ATP11B: variants seen among roughly 807,000 people sequenced by gnomAD.
ATP11B encodes the protein phospholipid-transporting ATPase IF.
A neutral mutation model predicts 157.8 loss-of-function variants in ATP11B; 81 were observed. That is an observed-to-expected ratio of 0.51 (90% CI 0.43 to 0.62). The LOEUF is 0.62. ATP11B is among the 20% of genes least tolerant of loss of function. The pLI is 0.00. For missense variants in ATP11B, 1,165 were observed against 1,402.2 expected (o/e 0.83, Z 2.70); for synonymous variants, 451 against 469.4 (o/e 0.96, Z 0.51).
chr3:182,916,114 A>T, intron 29 of ATP11B: 1 of 985,380 alleles, frequency 1.0e-6, no homozygotes, highest in Non-Finnish European at 1.2e-6. Context: ...ATTGCCATAG[A>T]TGCATCAATA....
intron 3 of ATP11B, among the ~76,000 whole-genome samples, chr3:182,828,683 G>GTT (rs796636598): frequency 6.9e-6 from 1 of 144,936 alleles, no homozygotes. Flanking sequence ...TGTGGGTGAA[G>GTT]TTTTTTTTTT....
rs922638646 is a variant in ATP11B at position 182,835,923 on chromosome 3, A to G, written c.316-112A>G. 13 of 709,498 alleles carry G rather than the reference A, an allele frequency of 1.8e-5. No homozygotes were observed. In the Admixed American group the frequency reaches 3.6e-4, roughly 20 times the overall value. The allele number at this position is 709,498 out of a possible 1,614,324, so 44.0% of individuals were successfully genotyped here. On this transcript the variant is annotated intron_variant, in intron 4 of 29. Transcript: ENST00000323116. ...AGCATGTGCATCCAAATAGCCTCAT[A>G]TGATTCTGGAATGTAGTGTTCCAGG...
At chr3:182,799,327 G>T (rs1241071226) in intron 1 of ATP11B, among the ~76,000 whole-genome samples, 4 of 151,622 alleles carry the variant, frequency 2.6e-5, no homozygotes, top group African/African-American at 9.7e-5. Context: ...CGCCCAGGCG[G>T]AGTGCAGTTG....
At chr3:182,900,454 A>G (rs1467473227) in intron 28 of ATP11B, among the ~76,000 whole-genome samples, 2 of 152,154 alleles carry the variant, frequency 1.3e-5, no homozygotes, top group African/African-American at 2.4e-5. Flanking sequence ...CTGATCTCCA[A>G]ATGGGGCTAA....
chr3:182,862,221 A>G (rs1001596124), intron 12 of ATP11B, among the ~76,000 whole-genome samples: 13 of 147,988 alleles, frequency 8.8e-5, no homozygotes, highest in Non-Finnish European at 1.7e-4. Flanking sequence ...TGGAGGTTGC[A>G]GTGAGCCCAG....
chr3:182,812,031 C>CT (rs111646420), intron 1 of ATP11B, among the ~76,000 whole-genome samples: 41 of 151,126 alleles, frequency 2.7e-4, no homozygotes, highest in Admixed American at 1.8e-3. Context: ...CTTTTTTCTA[C>CT]TTTTTTTTTG....
intron 24 of ATP11B, among the ~76,000 whole-genome samples, chr3:182,888,121 C>T (rs1722922890): frequency 6.6e-6 from 1 of 152,138 alleles, no homozygotes; most frequent in African/African-American, 2.4e-5. Flanking sequence ...ATTCCCACCC[C>T]AGATTCTCTG....
chr3:182,838,940 TAAATG>T (rs750711219), intron 7 of ATP11B, among the ~76,000 whole-genome samples: 5 of 152,124 alleles, frequency 3.3e-5, no homozygotes, highest in Non-Finnish European at 7.4e-5. Context: ...AATATAATGT[TAAATG>T]AAATAAGATA....
Position 182,898,872 on chromosome 3 carries a change from T to G in ATP11B, c.3318+100T>G, listed in dbSNP as rs183463029. The G allele has an allele frequency of 3.6e-4, 286 of 788,836 alleles. 1 individual carries two copies. The highest frequency in any genetic ancestry group is 1.3e-4 in the Non-Finnish European group (75 of 555,868). 48.9% of individuals were successfully genotyped at this position (788,836 alleles called of 1,614,324 possible). ...TTGATTATGTCAGAAAATAGGAAAT[T>G]AGCCATTCCTGTTTCAACTATTTTG... On this transcript the variant is annotated intron_variant, in intron 28 of 29. Coordinates refer to ENST00000323116, the MANE Select transcript of ATP11B (RefSeq NM_014616.3).
intron 10 of ATP11B, among the ~76,000 whole-genome samples, 191 bp from the exon 11 acceptor site, chr3:182,857,687 G>A (rs534117120): frequency 3.9e-5 from 6 of 152,054 alleles, no homozygotes; most frequent in Non-Finnish European, 8.8e-5. Flanking sequence ...GTGTGCACTG[G>A]TTCTTTTATT....
At chr3:182,857,823 A>G in intron 10 of ATP11B, 55 bp from the exon 11 acceptor site, 2 of 1,136,676 alleles carry the variant, frequency 1.8e-6, no homozygotes, top group Non-Finnish European at 2.5e-6. Flanking sequence ...TTTCAAGCAA[A>G]TGAATATAGT....
intron 29 of ATP11B, chr3:182,914,325 A>G (rs1426226086): frequency 1.0e-6 from 1 of 987,684 alleles, no homozygotes; most frequent in Non-Finnish European, 1.2e-6. Context: ...TTTAAATTAT[A>G]CATATACTAT....
At chr3:182,830,256 G>T (rs1225463988) in intron 4 of ATP11B, among the ~76,000 whole-genome samples, 5 of 151,594 alleles carry the variant, frequency 3.3e-5, no homozygotes, top group South Asian at 2.1e-4. Flanking sequence ...CCAGGAGGTA[G>T]AGGCTGCCCT....
intron 28 of ATP11B, among the ~76,000 whole-genome samples, chr3:182,900,513 A>G (rs955823308): frequency 6.6e-6 from 1 of 152,142 alleles, no homozygotes; most frequent in Non-Finnish European, 1.5e-5. Flanking sequence ...GTATATATTT[A>G]TATCAGTGTG....
At chr3:182,847,868 G>T (rs1719659044) in intron 9 of ATP11B, among the ~76,000 whole-genome samples, 1 of 152,198 alleles carries the variant, frequency 6.6e-6, no homozygotes, top group Non-Finnish European at 1.5e-5. Flanking sequence ...TGATAAGCTG[G>T]TCTCACCTAA....
intron 1 of ATP11B, among the ~76,000 whole-genome samples, chr3:182,819,401 A>G (rs1717184540): frequency 6.6e-6 from 1 of 152,136 alleles, no homozygotes; most frequent in Non-Finnish European, 1.5e-5. Flanking sequence ...AACCCTAGAC[A>G]ATATGCCGAA....
chr3:182,815,684 A>G (rs536342758), intron 1 of ATP11B, among the ~76,000 whole-genome samples: 1 of 152,230 alleles, frequency 6.6e-6, no homozygotes, highest in East Asian at 1.9e-4. Flanking sequence ...TCTTTCTGTC[A>G]TAGAGCAAAT....
At chr3:182,902,610 A>G (rs1460776290) in intron 28 of ATP11B, 6 of 1,188,420 alleles carry the variant, frequency 5.0e-6, no homozygotes, top group Non-Finnish European at 6.7e-6. Context: ...TCTGCATGCT[A>G]AAGGTCAATT....
chr3:182,898,389 A>T (rs898685674), intron 27 of ATP11B, among the ~76,000 whole-genome samples: 1 of 152,136 alleles, frequency 6.6e-6, no homozygotes, highest in African/African-American at 2.4e-5. Flanking sequence ...TTATCTGGTC[A>T]ACTGCTTGCC....
Sources: allele counts gnomAD v4.1 joint callset (sites outside exome capture counted in the v4.1 genomes callset), GRCh38; gene constraint gnomAD v4.1.1; transcripts MANE v1.5; gene names NCBI Gene and HGNC (gene_info 2026-07-23, HGNC 2026-07-21).